The following SOX5 variants were observed in gnomAD, a reference collection of about 807,000 sequenced individuals.
SOX5 encodes transcription factor SOX-5.
Under a neutral mutation model 92.0 loss-of-function variants are expected in SOX5, and 9 were observed. The observed-to-expected ratio is 0.10, with a 90% CI of 0.06 to 0.17. The LOEUF (loss-of-function observed/expected upper bound fraction) is 0.17, where lower values mean the gene tolerates loss of function less well. Ranked by LOEUF, SOX5 falls within the 10% of genes least tolerant of loss-of-function variation. SOX5 has a pLI of 1.00. For missense variants in SOX5, 642 were observed against 944.5 expected, an observed-to-expected ratio of 0.68 and a Z score of 4.20; for synonymous variants, 344 against 336.3, an observed-to-expected ratio of 1.02 and a Z score of -0.25.
At chr12:24,268,945 G>A (rs1416070169) in intron 3 of SOX5, among the ~76,000 whole-genome samples, 1 of 152,152 alleles carries the variant, frequency 6.6e-6, no homozygotes, top group African/African-American at 2.4e-5. Context: ...ATGTAACAGT[G>A]TGCTATTCAG....
At chr12:23,871,200 T>A (rs1357480772) in intron 2 of SOX5, among the ~76,000 whole-genome samples, 1 of 152,216 alleles carries the variant, frequency 6.6e-6, no homozygotes, top group African/African-American at 2.4e-5. Context: ...AGTTTTCTTT[T>A]TGATATTAGC....
At chr12:24,431,064 G>T (rs576889511) in intron 1 of SOX5, among the ~76,000 whole-genome samples, 1 of 152,146 alleles carries the variant, frequency 6.6e-6, no homozygotes, top group African/African-American at 2.4e-5. Flanking sequence ...AAAGCAGAAG[G>T]TTGTCATATT....
At chr12:23,811,376 A>G (rs2142423189) in intron 3 of SOX5, among the ~76,000 whole-genome samples, 1 of 152,276 alleles carries the variant, frequency 6.6e-6, no homozygotes, top group South Asian at 2.1e-4. Context: ...GCAGACATAA[A>G]GTTTGCCCTT....
chr12:23,799,681 C>CT (rs1204132729), intron 3 of SOX5, among the ~76,000 whole-genome samples: 1 of 151,930 alleles, frequency 6.6e-6, no homozygotes, highest in Non-Finnish European at 1.5e-5. Context: ...TCAACTAATA[C>CT]TTTTTTGCCT....
intron 8 of SOX5, among the ~76,000 whole-genome samples, chr12:23,628,833 A>C (rs1488679672): frequency 6.6e-6 from 1 of 151,772 alleles, no homozygotes; most frequent in African/African-American, 2.4e-5. Flanking sequence ...TTCTGTAGGA[A>C]TCAAATAGGG....
At chr12:24,153,616 T>G (rs1004624992) in intron 4 of SOX5, among the ~76,000 whole-genome samples, 7 of 152,154 alleles carry the variant, frequency 4.6e-5, no homozygotes, top group African/African-American at 1.7e-4. Flanking sequence ...CTGCATCCTA[T>G]GACCTTACCT....
At chr12:23,759,932 C>T (rs1003026951) in intron 3 of SOX5, among the ~76,000 whole-genome samples, 2 of 151,770 alleles carry the variant, frequency 1.3e-5, no homozygotes, top group African/African-American at 4.8e-5. Flanking sequence ...TCTGGAGTTT[C>T]CTTTAATTTT....
intron 6 of SOX5, among the ~76,000 whole-genome samples, chr12:23,724,295 T>C (rs535710973): frequency 6.6e-6 from 1 of 151,998 alleles, no homozygotes; most frequent in African/African-American, 2.4e-5. Flanking sequence ...CACACACACA[T>C]ACACACAGGC....
At chr12:24,159,969 T>C (rs1437366775) in intron 4 of SOX5, among the ~76,000 whole-genome samples, 1 of 151,918 alleles carries the variant, frequency 6.6e-6, no homozygotes, top group African/African-American at 2.4e-5. Flanking sequence ...TCTCTGGGTA[T>C]CCAAAAATTA....
upstream of SOX5, chr12:23,950,752 C>T (rs931453700): frequency 4.6e-5 from 42 of 915,906 alleles, no homozygotes; most frequent in African/African-American, 1.6e-5. Context: ...AAGGCACAGC[C>T]TCCATAGCAG....
intron 2 of SOX5, among the ~76,000 whole-genome samples, chr12:24,341,035 C>A (rs1056844358): frequency 6.6e-6 from 1 of 152,032 alleles, no homozygotes; most frequent in African/African-American, 2.4e-5. Flanking sequence ...TTCTTAGGGC[C>A]TACTAACACA....
intron 3 of SOX5, 103 bp downstream of exon 3, chr12:23,845,880 A>C: frequency 1.0e-6 from 1 of 964,480 alleles, no homozygotes; most frequent in Non-Finnish European, 1.6e-6. Flanking sequence ...ATCTTGCCCA[A>C]TTTAACTTTA....
intron 3 of SOX5, among the ~76,000 whole-genome samples, chr12:23,809,070 T>C (rs2095831067): frequency 1.3e-5 from 2 of 152,156 alleles, no homozygotes; most frequent in African/African-American, 4.8e-5. Flanking sequence ...AATCCAGATA[T>C]AATGAAATAC....
At position 23,563,236 on chromosome 12, in the gene SOX5, G is replaced by C. The variant is rs771647720; in HGVS notation, c.1488+22C>G. The stretch of plus-strand genomic sequence containing the variant: ...CAATTTAATTAAGTATTTCTAGAAA[G>C]TAAGTTATTTTATGAACTGACCTTT... On this transcript the variant is annotated intron_variant, in intron 11 of 14. Transcript: ENST00000451604. 6.4e-6 allele frequency: 10 copies of C among 1,572,708 alleles called. No individual in the cohort carries two copies. In the South Asian group the frequency reaches 7.0e-5, roughly 11 times the overall value.
At chr12:23,995,648 C>T (rs561396984) in intron 4 of SOX5, among the ~76,000 whole-genome samples, 14 of 152,250 alleles carry the variant, frequency 9.2e-5, no homozygotes, top group Admixed American at 2.6e-4. Context: ...TAGTGAGCTA[C>T]GATCATGCCA....
chr12:24,151,969 C>G (rs531966516), intron 4 of SOX5, among the ~76,000 whole-genome samples: 36 of 152,140 alleles, frequency 2.4e-4, no homozygotes, highest in African/African-American at 8.7e-4. Flanking sequence ...TATCTTATTT[C>G]TGGCTTTGAA....
At chr12:24,412,821 C>A (rs1215232198) in intron 1 of SOX5, among the ~76,000 whole-genome samples, 1 of 135,110 alleles carries the variant, frequency 7.4e-6, no homozygotes, top group African/African-American at 2.8e-5. Context: ...GTGGCGCAAT[C>A]TCGGCTCACT....
chr12:24,127,195 A>G (rs1949186098), intron 4 of SOX5, among the ~76,000 whole-genome samples: 1 of 151,784 alleles, frequency 6.6e-6, no homozygotes, highest in Non-Finnish European at 1.5e-5. Flanking sequence ...GTTTGAGACC[A>G]GCCTGGGCAA....
At chr12:24,084,711 T>A (rs1013709000) in intron 4 of SOX5, among the ~76,000 whole-genome samples, 1 of 152,058 alleles carries the variant, frequency 6.6e-6, no homozygotes, top group Non-Finnish European at 1.5e-5. Flanking sequence ...TCATGCAGTT[T>A]CTAATCATCT....
Sources: allele counts gnomAD v4.1 joint callset (sites outside exome capture counted in the v4.1 genomes callset), GRCh38; gene constraint gnomAD v4.1.1; transcripts MANE v1.5; gene names NCBI Gene and HGNC (gene_info 2026-07-23, HGNC 2026-07-21).